KCNQ1: variants seen among roughly 807,000 people sequenced by gnomAD.
KCNQ1 encodes the protein potassium voltage-gated channel subfamily KQT member 1.
In KCNQ1, 49 loss-of-function variants were observed where a neutral mutation model predicts 72.4. The observed-to-expected ratio is 0.68, with a 90% CI of 0.54 to 0.86. KCNQ1 has a LOEUF of 0.86. Among genes scored for constraint, KCNQ1 ranks in the 40% least tolerant of loss-of-function variants. KCNQ1 has a pLI of 0.00. For synonymous variants in KCNQ1, 450 were observed against 412.6 expected (o/e 1.09, Z -1.10); for missense variants, 790 against 945.1 (o/e 0.84, Z 2.15).
At position 2,690,052 on chromosome 11, in the gene KCNQ1, T is replaced by C; in HGVS notation, c.1514+27971T>C. On this transcript the variant is annotated intron_variant, in intron 11 of 15. Coordinates refer to ENST00000155840, the MANE Select transcript of KCNQ1 (RefSeq NM_000218.3). The surrounding 1 kb of genome is among the most constrained non-coding windows in gnomAD (Gnocchi z 5.1). ...GGCCAGCCCTGCCTCTCCTCCCCTC[T>C]CCTAGCCTGCTTCTGTCTGGGCTGA... 1 of 398,906 alleles carries C rather than the reference T, an allele frequency of 2.5e-6. No homozygotes were observed. 24.7% of individuals were successfully genotyped at this position (398,906 alleles called of 1,614,324 possible).
chr11:2,580,748 G>A (rs72847694), intron 6 of KCNQ1, among the ~76,000 whole-genome samples: 6,056 of 152,300 alleles, frequency 0.04, 251 homozygotes, highest in Admixed American at 0.044. Flanking sequence ...CCCACCTTGG[G>A]CGCTGGTCTG....
chr11:2,454,868 T>A (rs1564785374), intron 1 of KCNQ1, among the ~76,000 whole-genome samples: 1 of 152,212 alleles, frequency 6.6e-6, no homozygotes, highest in East Asian at 1.9e-4. Flanking sequence ...AAGACAAGGA[T>A]GCCCACTTTC....
At chr11:2,517,417 G>A (rs1389203077) in intron 1 of KCNQ1, among the ~76,000 whole-genome samples, 2 of 152,180 alleles carry the variant, frequency 1.3e-5, no homozygotes, top group East Asian at 1.9e-4. Flanking sequence ...GGGCTGAGAA[G>A]CCCTGGGACG....
At position 2,592,679 on chromosome 11, in the gene KCNQ1, C is replaced by T. The variant is rs948184888; in HGVS notation, c.1393+3825C>T. ...TTGGCAGTGTCAAAGGGACTGGGGA[C>T]CTGCGAGGATGCGGTGGCCATTGTC... On this transcript the variant is annotated intron_variant, in intron 10 of 15. Coordinates refer to ENST00000155840, the MANE Select transcript of KCNQ1 (RefSeq NM_000218.3). This position sits in a 1 kb window ranked among gnomAD's most constrained non-coding sequence, Gnocchi z 5.2. 5.4e-4 allele frequency among the ~76,000 whole-genome samples: 82 copies of T among 152,212 alleles called. No homozygotes were observed. Among genetic ancestry groups the T allele is most frequent in the African/African-American group, 2.0e-3 (81 of 41,460 alleles).
chr11:2,469,989 G>A (rs1009440007), intron 1 of KCNQ1, among the ~76,000 whole-genome samples: 1 of 152,000 alleles, frequency 6.6e-6, no homozygotes, highest in African/African-American at 2.4e-5. Context: ...TAGAGCTGCG[G>A]TCTCACTCTG....
chr11:2,525,341 C>T (rs868092763), intron 1 of KCNQ1, among the ~76,000 whole-genome samples: 1 of 152,214 alleles, frequency 6.6e-6, no homozygotes, highest in South Asian at 2.1e-4. Flanking sequence ...CGGAGGGCTC[C>T]CCACAGGGTT....
intron 15 of KCNQ1, among the ~76,000 whole-genome samples, chr11:2,833,892 C>T (rs1205761327): frequency 6.6e-6 from 1 of 152,204 alleles, no homozygotes; most frequent in Non-Finnish European, 1.5e-5. Context: ...CCAAATATGT[C>T]CAGATGGGGC....
intron 1 of KCNQ1, among the ~76,000 whole-genome samples, chr11:2,525,439 G>A (rs1847482051): frequency 6.6e-6 from 1 of 152,262 alleles, no homozygotes; most frequent in African/African-American, 2.4e-5. Context: ...CCCAGAGACA[G>A]ATGAGAGCAG....
chr11:2,760,292 C>A (rs1328386095), intron 11 of KCNQ1, among the ~76,000 whole-genome samples: 1 of 152,056 alleles, frequency 6.6e-6, no homozygotes, highest in Admixed American at 6.5e-5. Flanking sequence ...GGCAGGCGGG[C>A]GTGGAGGAGC....
At position 2,776,854 on chromosome 11, in the gene KCNQ1, G is replaced by A. The variant is rs373397295; in HGVS notation, c.1686-132G>A. The A allele has an allele frequency of 9.5e-5, 83 of 871,702 alleles. No individual in the cohort carries two copies. In the Middle Eastern group the frequency reaches 1.5e-3, roughly 16 times the overall value. The allele number at this position is 871,702 out of a possible 1,614,324, so 54.0% of individuals were successfully genotyped here. ...GAGTGACCTGGCAGGCCTTAGGGTC[G>A]GGGGTGTCCCCAGAGTGGGTGGACA... On this transcript the variant is annotated intron_variant, in intron 13 of 15. Coordinates refer to ENST00000155840, the MANE Select transcript of KCNQ1 (RefSeq NM_000218.3).
Position 2,451,736 on chromosome 11 carries a change from C to G in KCNQ1, c.386+6252C>G, listed in dbSNP as rs1020449420. 1.3e-5 allele frequency among the ~76,000 whole-genome samples: 2 copies of G among 152,212 alleles called. No homozygotes were observed. The highest frequency in any genetic ancestry group is 4.8e-5 in the African/African-American group (2 of 41,450). ...GACAGGCCCCTGCCCGCTCTGGGAC[C>G]TGGGGCCTGGGCTCTGCTCCCCATT... On this transcript the variant is annotated intron_variant, in intron 1 of 15. Transcript: ENST00000155840. This position sits in a 1 kb window ranked among gnomAD's most constrained non-coding sequence, Gnocchi z 6.4.
intron 10 of KCNQ1, chr11:2,648,350 A>G: frequency 2.5e-6 from 1 of 398,366 alleles, no homozygotes; most frequent in East Asian, 3.6e-5. Context: ...GTTCCTTGAG[A>G]TGCGTTTATT....
chr11:2,557,254 CTG>C (rs1425980858), intron 2 of KCNQ1, among the ~76,000 whole-genome samples: 3 of 152,320 alleles, frequency 2.0e-5, no homozygotes, highest in African/African-American at 7.2e-5. Flanking sequence ...GAAGACCTGA[CTG>C]TAATCTTTAA....
chr11:2,755,437 G>C (rs950500157), intron 11 of KCNQ1, among the ~76,000 whole-genome samples: 5 of 152,172 alleles, frequency 3.3e-5, no homozygotes, highest in African/African-American at 1.2e-4. Context: ...ATTTTGTGTA[G>C]AGGTGGAGTC....
chr11:2,503,277 A>G (rs1847046110), intron 1 of KCNQ1, among the ~76,000 whole-genome samples: 1 of 152,222 alleles, frequency 6.6e-6, no homozygotes, highest in Admixed American at 6.5e-5. Context: ...CCCATCTGAC[A>G]AGGGACTAAT....
chr11:2,733,464 A>G (rs551749272), intron 11 of KCNQ1, among the ~76,000 whole-genome samples: 1 of 152,246 alleles, frequency 6.6e-6, no homozygotes, highest in African/African-American at 2.4e-5. Flanking sequence ...GGGCGGTGTC[A>G]GGCAGGGACA....
intron 11 of KCNQ1, among the ~76,000 whole-genome samples, chr11:2,700,608 C>T (rs1850790295): frequency 6.6e-6 from 1 of 152,156 alleles, no homozygotes; most frequent in South Asian, 2.1e-4. Context: ...GAAGCCCCCA[C>T]TGCTGTGCCT....
At chr11:2,688,809 C>T in intron 11 of KCNQ1, 1 of 398,818 alleles carries the variant, frequency 2.5e-6, no homozygotes, top group Non-Finnish European at 4.4e-6. Context: ...ACACAGCCCA[C>T]CTGGCCCATC....
chr11:2,772,635 A>G lies in KCNQ1; in HGVS notation c.1591-3325A>G, dbSNP rs12419355. On this transcript the variant is annotated intron_variant, in intron 12 of 15. Transcript: ENST00000155840. The surrounding 1 kb of genome is among the most constrained non-coding windows in gnomAD (Gnocchi z 6.6). Reference sequence around the variant, plus strand: ...TCTTGGGCTATGCCCTACACCAGGTAAGGCTGTGGCTGAAGGTGCAGGGAG... The same window carrying G: ...TCTTGGGCTATGCCCTACACCAGGTGAGGCTGTGGCTGAAGGTGCAGGGAG... Among the ~76,000 whole-genome samples, 22,563 of 152,132 alleles carry G rather than the reference A, an allele frequency of 0.15. 1,804 individuals carry two copies. The highest frequency in any genetic ancestry group is 0.22 in the Middle Eastern group (64 of 294).
Sources: gnomAD v4.1 joint callset for allele counts (sites outside exome capture counted in the v4.1 genomes callset) on GRCh38, gnomAD v4.1.1 for gene constraint, Gnocchi (gnomAD v3.1) non-coding constraint, MANE v1.5 for transcripts, NCBI Gene and HGNC (gene_info 2026-07-23, HGNC 2026-07-21) for gene names.